The following LONP2 variants were observed in gnomAD, a reference collection of about 807,000 sequenced individuals.
LONP2 encodes lon peptidase 2, peroxisomal.
LONP2 carries 60 observed loss-of-function variants against 85.6 expected under a neutral mutation model. The ratio of observed to expected loss-of-function variants is 0.70; its 90% CI spans 0.57 to 0.87. The LOEUF is 0.87. Among genes scored for constraint, LONP2 ranks in the 40% least tolerant of loss-of-function variants. The pLI is 0.00. For missense variants in LONP2, 860 were observed against 1,063.5 expected, an observed-to-expected ratio of 0.81 and a Z score of 2.66; for synonymous variants, 395 against 389.7, an observed-to-expected ratio of 1.01 and a Z score of -0.16.
chr16:48,263,412 A>G (rs1971919197), intron 6 of LONP2, among the ~76,000 whole-genome samples: 1 of 152,148 alleles, frequency 6.6e-6, no homozygotes, highest in Non-Finnish European at 1.5e-5. Context: ...TCACTATTTT[A>G]GATTCCACAT....
At chr16:48,349,885 C>A (rs1181953799) in intron 14 of LONP2, among the ~76,000 whole-genome samples, 2 of 152,256 alleles carry the variant, frequency 1.3e-5, no homozygotes, top group Middle Eastern at 3.4e-3. Context: ...ACATTTCATC[C>A]CCTTGACTTT....
At chr16:48,264,890 C>T (rs1596921643) in intron 6 of LONP2, among the ~76,000 whole-genome samples, 1 of 152,144 alleles carries the variant, frequency 6.6e-6, no homozygotes, top group South Asian at 2.1e-4. Context: ...ATTTACATTC[C>T]GAACAACAGT....
downstream of LONP2, among the ~76,000 whole-genome samples, chr16:48,359,737 G>A (rs748164603): frequency 5.9e-5 from 9 of 151,672 alleles, no homozygotes; most frequent in Non-Finnish European, 1.0e-4. Context: ...AGCTCCACAA[G>A]CACATTATAA....
intron 8 of LONP2, among the ~76,000 whole-genome samples, chr16:48,288,799 C>T (rs780966123): frequency 2.8e-4 from 43 of 152,074 alleles, no homozygotes; most frequent in African/African-American, 3.6e-4. Context: ...CCCTGACTGC[C>T]CTTGAGACAG....
At chr16:48,320,056 A>T (rs766003957) in intron 11 of LONP2, among the ~76,000 whole-genome samples, 34 of 149,714 alleles carry the variant, frequency 2.3e-4, no homozygotes, top group Admixed American at 4.0e-4. Flanking sequence ...ACTACTCGGG[A>T]GGCTGAGGCA....
Position 48,252,256 on chromosome 16 carries a change from C to T in LONP2, c.359C>T (p.Pro120Leu), listed in dbSNP as rs1471994244. The change falls in exon 2 of 15, where the codon CCC becomes CTC. Residue 120 changes from proline (P) to leucine (L), a missense_variant. Coordinates refer to ENST00000285737, the MANE Select transcript of LONP2 (RefSeq NM_031490.5). ...IVQVLKEKPY[P>L]IAEVEQLDRL... ...CAGGTCTTAAAAGAGAAGCCATATC[C>T]CATTGCTGAAGTGGAGCAGTTGGAC... is the stretch of plus-strand genomic sequence containing the variant. 2.5e-6 allele frequency: 4 copies of T among 1,614,012 alleles called. No individual in the cohort carries two copies. The African/African-American group carries it at 4.0e-5, about 16-fold the overall frequency.
Position 48,262,942 on chromosome 16 carries a change from C to A in LONP2, c.982+70C>A, listed in dbSNP as rs1438466628. On this transcript the variant is annotated intron_variant, in intron 6 of 14. Transcript: ENST00000285737. The stretch of plus-strand genomic sequence containing the variant: ...AGAAAGCTCATGCAATTTTTCATTT[C>A]AAATTTACTCCACTGATTGTCGTAC... The A allele has an allele frequency of 9.4e-6, 9 of 958,810 alleles. No homozygotes were observed. The Admixed American group carries it at 1.7e-4, about 18-fold the overall frequency. The allele number at this position is 958,810 out of a possible 1,614,324, so 59.4% of individuals were successfully genotyped here.
In LONP2 at chr16:48,362,584, AAAT is replaced by A; in HGVS notation, c.*724_*726del. The A allele has an allele frequency of 1.4e-6, 1 of 736,700 alleles. No individual in the cohort carries two copies. 45.6% of individuals were successfully genotyped at this position (736,700 alleles called of 1,614,324 possible). A position where few individuals can be genotyped will look rare whatever the true frequency, so the allele number is the denominator to read the frequency against. On this transcript the variant is annotated 3_prime_UTR_variant, in exon 5 of 5. Transcript: ENST00000565867. This position sits in a 1 kb window ranked among gnomAD's most constrained non-coding sequence, Gnocchi z 4.2. ...AATAGGATTAAAAAAGATATTAAAA[AAAT>A]AAAATTACACTGAATGTGCACTTTA...
chr16:48,330,654 C>A (rs746866941), intron 11 of LONP2, among the ~76,000 whole-genome samples: 9 of 152,184 alleles, frequency 5.9e-5, no homozygotes, highest in Non-Finnish European at 1.3e-4. Context: ...TTTCCCTACT[C>A]ACACTTTGCA....
chr16:48,307,321 G>T (rs1329242236), intron 11 of LONP2, among the ~76,000 whole-genome samples: 1 of 152,152 alleles, frequency 6.6e-6, no homozygotes, highest in African/African-American at 2.4e-5. Context: ...TATTTGTTGG[G>T]TTGAGAGATT....
At chr16:48,268,067 A>C (rs146787320) in intron 6 of LONP2, among the ~76,000 whole-genome samples, 1 of 152,226 alleles carries the variant, frequency 6.6e-6, no homozygotes, top group African/African-American at 2.4e-5. Context: ...TACCATTTCA[A>C]TCTTCTAATT....
chr16:48,298,626 G>GGTGT (rs3138605), intron 9 of LONP2, among the ~76,000 whole-genome samples: 36,546 of 134,056 alleles, frequency 0.27, 5,122 homozygotes, highest in East Asian at 0.41. Context: ...ATTTAATTGA[G>GGTGT]GTGTGTGTGT....
chr16:48,295,841 T>C (rs1261631302), intron 8 of LONP2, among the ~76,000 whole-genome samples, 174 bp from the exon 9 acceptor site: 2 of 152,224 alleles, frequency 1.3e-5, no homozygotes, highest in Non-Finnish European at 2.9e-5. Context: ...TTTTAAAAAG[T>C]ATGTAGAATG....
chr16:48,277,509 T>G (rs766663888), intron 8 of LONP2, 30 bp downstream of exon 8: 9 of 1,604,192 alleles, frequency 5.6e-6, no homozygotes, highest in East Asian at 2.2e-5. Context: ...CTGTCTGTCT[T>G]CATACTGGAA....
chr16:48,311,578 C>T (rs1185530331), intron 11 of LONP2, among the ~76,000 whole-genome samples: 1 of 151,832 alleles, frequency 6.6e-6, no homozygotes, highest in Non-Finnish European at 1.5e-5. Context: ...GATTTTCTGA[C>T]TTCTTTGTAT....
intron 2 of LONP2, 130 bp downstream of exon 2, chr16:48,252,495 A>G (rs913595692): frequency 1.9e-5 from 10 of 526,844 alleles, no homozygotes; most frequent in African/African-American, 1.5e-4. Flanking sequence ...AACATTATAT[A>G]TTAATTCTGA....
chr16:48,272,741 G>A (rs923881265), intron 7 of LONP2, among the ~76,000 whole-genome samples: 2 of 152,158 alleles, frequency 1.3e-5, no homozygotes, highest in Non-Finnish European at 2.9e-5. Flanking sequence ...TGTACCAGAT[G>A]TTTGATTAAC....
chr16:48,351,485 T>G (rs1292109082), intron 14 of LONP2, 96 bp from the exon 15 acceptor site: 1 of 898,654 alleles, frequency 1.1e-6, no homozygotes, highest in South Asian at 1.7e-5. Context: ...TGTTTTAAAA[T>G]AGTAGTGGTT....
At position 48,303,300 on chromosome 16, in the gene LONP2, G is replaced by A; in HGVS notation, c.1790G>A (p.Arg597Lys). Residue 597 changes from arginine to lysine, a missense_variant, in exon 11 of 15, where the codon AGA (arginine) becomes AAA (lysine). Arg to Lys is a conservative substitution (Grantham distance 26, BLOSUM62 2). Around this residue, in one of 3 missense-constraint regions of LONP2, gnomAD observed 743 missense variants for 917.3 expected, o/e 0.81. Coordinates refer to ENST00000285737, the MANE Select transcript of LONP2 (RefSeq NM_031490.5). Reference sequence around the variant, plus strand: ...TTGGACCGTTCTGATGTGACTGAGAGAGAAGGTTGGTGACCTTGTTCTGGC... The same window carrying A: ...TTGGACCGTTCTGATGTGACTGAGAAAGAAGGTTGGTGACCTTGTTCTGGC... The part of the protein sequence containing the change: ...AKLDRSDVTE[R>K]EGCREHILED... 2 of 1,613,040 alleles carry A rather than the reference G, an allele frequency of 1.2e-6. No individual in the cohort carries two copies. The highest frequency in any genetic ancestry group is 8.5e-7 in the Non-Finnish European group (1 of 1,179,082).
Sources: allele counts gnomAD v4.1 joint callset (sites outside exome capture counted in the v4.1 genomes callset), GRCh38; gene constraint gnomAD v4.1.1; regional missense constraint gnomAD v4.1.1; non-coding constraint Gnocchi (gnomAD v3.1); transcripts MANE v1.5; gene names NCBI Gene and HGNC (gene_info 2026-07-23, HGNC 2026-07-21).